Variants in ZHX2 observed in about 807,000 individuals in gnomAD.
The protein encoded by ZHX2 is zinc fingers and homeoboxes 2.
ZHX2 carries 6 observed loss-of-function variants against 21.9 expected under a neutral mutation model. The ratio of observed to expected loss-of-function variants is 0.27; its 90% CI spans 0.15 to 0.54. The LOEUF is 0.54. Ranked by LOEUF, ZHX2 falls within the 20% of genes least tolerant of loss-of-function variation. The pLI is 0.95. For synonymous variants in ZHX2, 434 were observed against 437.1 expected (o/e 0.99, Z 0.09); for missense variants, 908 against 1,090.7 (o/e 0.83, Z 2.36).
At chr8:122,931,229 C>G (rs985614922) in intron 2 of ZHX2, among the ~76,000 whole-genome samples, 1 of 152,200 alleles carries the variant, frequency 6.6e-6, no homozygotes, top group African/African-American at 2.4e-5. Context: ...TGAGGCTCCA[C>G]GCCTGGCGCC....
chr8:122,823,832 C>G (rs1818205352), intron 1 of ZHX2, among the ~76,000 whole-genome samples: 1 of 152,172 alleles, frequency 6.6e-6, no homozygotes, highest in African/African-American at 2.4e-5. Context: ...CTTCAGAGTA[C>G]TTTTACCTCC....
intron 1 of ZHX2, among the ~76,000 whole-genome samples, chr8:122,835,149 C>T (rs1164183066): frequency 6.6e-6 from 1 of 152,204 alleles, no homozygotes; most frequent in East Asian, 1.9e-4. Context: ...GTAGCATCTT[C>T]TGGAAATGAA....
chr8:122,920,347 T>C (rs1209775197), intron 2 of ZHX2, among the ~76,000 whole-genome samples: 1 of 152,140 alleles, frequency 6.6e-6, no homozygotes, highest in East Asian at 1.9e-4. Flanking sequence ...TTTTCTGCTT[T>C]TTTTTTTCTT....
intron 1 of ZHX2, among the ~76,000 whole-genome samples, chr8:122,856,193 A>G (rs947062196): frequency 6.6e-6 from 1 of 152,224 alleles, no homozygotes; most frequent in Admixed American, 6.5e-5. Flanking sequence ...TAGAAATTGC[A>G]TTCTAAACTG....
rs1563728409 is a variant in ZHX2 at position 122,782,383 on chromosome 8, C to G, written c.-283+437C>G. 1.3e-5 allele frequency among the ~76,000 whole-genome samples: 2 copies of G among 152,186 alleles called. No individual in the cohort carries two copies. The highest frequency in any genetic ancestry group is 4.8e-5 in the African/African-American group (2 of 41,450). On this transcript the variant is annotated intron_variant, in intron 1 of 3. Coordinates refer to ENST00000314393, the MANE Select transcript of ZHX2 (RefSeq NM_014943.5). The surrounding 1 kb of genome is among the most constrained non-coding windows in gnomAD (Gnocchi z 5.3). Reference sequence around the variant, plus strand: ...ATTTATTTATTTCGTGGCCGTCTCCCTCCCTTCTTGGCCAAACTGCGGCGC... The same window carrying G: ...ATTTATTTATTTCGTGGCCGTCTCCGTCCCTTCTTGGCCAAACTGCGGCGC...
rs575845137 is a variant in ZHX2 at position 122,919,185 on chromosome 8, A to T, written c.-219-32107A>T. 5.3e-5 allele frequency among the ~76,000 whole-genome samples: 8 copies of T among 152,138 alleles called. No homozygotes were observed. The South Asian group carries it at 1.7e-3, about 32-fold the overall frequency. ...TCTCGCTTCATCCAGTTCTTCTTTC[A>T]CTTTCATTTTGCATCTCTTACTCAT... On this transcript the variant is annotated intron_variant, in intron 2 of 3. Transcript: ENST00000314393.
intron 2 of ZHX2, among the ~76,000 whole-genome samples, chr8:122,890,294 T>G (rs988622128): frequency 1.1e-4 from 17 of 152,224 alleles, no homozygotes; most frequent in Admixed American, 3.3e-4. Context: ...TTCTGGGTTC[T>G]GTATTCTGTT....
chr8:122,858,016 T>G (rs1819069164), intron 1 of ZHX2, among the ~76,000 whole-genome samples: 1 of 152,106 alleles, frequency 6.6e-6, no homozygotes, highest in Non-Finnish European at 1.5e-5. Flanking sequence ...GGGACCAAGG[T>G]GAAATATTGC....
At chr8:122,852,076 A>C (rs1458255716) in intron 1 of ZHX2, among the ~76,000 whole-genome samples, 1 of 152,158 alleles carries the variant, frequency 6.6e-6, no homozygotes, top group Non-Finnish European at 1.5e-5. Context: ...GTGGTAAGAA[A>C]GGTGTCTGCA....
At chr8:122,832,523 AGAGT>A (rs1311785219) in intron 1 of ZHX2, among the ~76,000 whole-genome samples, 32 of 152,116 alleles carry the variant, frequency 2.1e-4, no homozygotes, top group Non-Finnish European at 1.2e-4. Flanking sequence ...GAAGTCTGAG[AGAGT>A]GAGCACGGGG....
chr8:122,953,381 G>A lies in ZHX2; in HGVS notation c.1871G>A (p.Ser624Asn), dbSNP rs200270370. 2 of 1,614,122 alleles carry A rather than the reference G, an allele frequency of 1.2e-6. No individual in the cohort carries two copies. The highest frequency in any genetic ancestry group is 1.7e-6 in the Non-Finnish European group (2 of 1,180,044). ...LDQLSGAQLT[S>N]SLPSPSPAIA... is the part of the protein sequence containing the mutation. ...CAGCTCTCCGGTGCCCAGTTAACAAGTTCTCTGCCCAGCCCTTCGCCAGCA... is the reference window on the plus strand; with the variant it reads ...CAGCTCTCCGGTGCCCAGTTAACAAATTCTCTGCCCAGCCCTTCGCCAGCA... Residue 624 changes from serine to asparagine, a missense_variant, in exon 3 of 4, where the codon AGT becomes AAT. Ser to Asn is a conservative substitution (Grantham distance 46). Coordinates refer to ENST00000314393, the MANE Select transcript of ZHX2 (RefSeq NM_014943.5). This position sits in a 1 kb window ranked among gnomAD's most constrained non-coding sequence, Gnocchi z 4.6.
chr8:122,853,763 C>T (rs1370205221), intron 1 of ZHX2, among the ~76,000 whole-genome samples: 2 of 152,118 alleles, frequency 1.3e-5, no homozygotes, highest in Non-Finnish European at 2.9e-5. Context: ...ACTATCTCCC[C>T]ATGCCCTTTT....
intron 1 of ZHX2, among the ~76,000 whole-genome samples, chr8:122,789,964 C>G (rs1376916153): frequency 6.6e-6 from 1 of 152,178 alleles, no homozygotes; most frequent in Non-Finnish European, 1.5e-5. Context: ...GCAGAAAGAG[C>G]CACAGAACGG....
At chr8:122,817,873 C>T (rs1818067482) in intron 1 of ZHX2, among the ~76,000 whole-genome samples, 1 of 152,184 alleles carries the variant, frequency 6.6e-6, no homozygotes, top group Admixed American at 6.5e-5. Context: ...TGGTGGGCAC[C>T]CCACTCCTCT....
chr8:122,904,750 A>G (rs922690199), intron 2 of ZHX2, among the ~76,000 whole-genome samples: 45 of 152,232 alleles, frequency 3.0e-4, no homozygotes, highest in African/African-American at 1.1e-3. Flanking sequence ...TCTTATAACC[A>G]GGTTTCAGTT....
chr8:122,823,209 T>G (rs1276605724), intron 1 of ZHX2, among the ~76,000 whole-genome samples: 1 of 152,218 alleles, frequency 6.6e-6, no homozygotes, highest in Non-Finnish European at 1.5e-5. Context: ...TTGGGGACCT[T>G]GATCATTGTC....
intron 1 of ZHX2, among the ~76,000 whole-genome samples, chr8:122,827,282 C>T (rs1441054408): frequency 6.6e-6 from 1 of 152,142 alleles, no homozygotes; most frequent in Non-Finnish European, 1.5e-5. Context: ...AGGTGATCTG[C>T]CTGCTTTGGC....
At chr8:122,824,031 C>A (rs1818210026) in intron 1 of ZHX2, among the ~76,000 whole-genome samples, 1 of 151,630 alleles carries the variant, frequency 6.6e-6, no homozygotes, top group Admixed American at 6.6e-5. Context: ...CCTCAGAACT[C>A]CTCCATATAT....
At chr8:122,868,429 C>T (rs899997726) in intron 2 of ZHX2, among the ~76,000 whole-genome samples, 6 of 152,084 alleles carry the variant, frequency 3.9e-5, no homozygotes, top group Admixed American at 3.9e-4. Context: ...GGGAAGATCA[C>T]CTGAACCCAA....
Sources: allele counts gnomAD v4.1 joint callset (sites outside exome capture counted in the v4.1 genomes callset), GRCh38; gene constraint gnomAD v4.1.1; non-coding constraint Gnocchi (gnomAD v3.1); transcripts MANE v1.5; gene names NCBI Gene and HGNC (gene_info 2026-07-23, HGNC 2026-07-21).